Variants in BEND3 observed in about 807,000 individuals in gnomAD.
BEND3 encodes the protein BEN domain-containing protein 3.
Under a neutral mutation model 60.1 loss-of-function variants are expected in BEND3, and 13 were observed. The observed-to-expected ratio is 0.22, with a 90% CI of 0.14 to 0.34. BEND3 has a LOEUF of 0.34. Among genes scored for constraint, BEND3 ranks in the 10% least tolerant of loss-of-function variants. The pLI, the probability that BEND3 is intolerant of heterozygous loss-of-function variation, is 1.00. For synonymous variants in BEND3, 497 were observed against 491.5 expected, an observed-to-expected ratio of 1.01 and a Z score of -0.15; for missense variants, 896 against 1,138.1, an observed-to-expected ratio of 0.79 and a Z score of 3.06.
At chr6:107,104,645 C>T (rs1431959801) in intron 1 of BEND3, among the ~76,000 whole-genome samples, 4 of 150,698 alleles carry the variant, frequency 2.7e-5, no homozygotes, top group Non-Finnish European at 5.9e-5. Context: ...ATAGTTTTTT[C>T]GTGGTGTAAT....
intron 1 of BEND3, among the ~76,000 whole-genome samples, chr6:107,101,595 C>A (rs1775703372): frequency 1.3e-5 from 2 of 152,168 alleles, no homozygotes; most frequent in Non-Finnish European, 2.9e-5. Context: ...ACATTACACA[C>A]AGGGTGATAT....
At position 107,067,065 on chromosome 6, in the gene BEND3, A is replaced by G. The variant is rs1774848598; in HGVS notation, c.*1639T>C. 6.6e-6 allele frequency: 1 copy of G among 152,262 alleles called. No homozygotes were observed. Among genetic ancestry groups the G allele is most frequent in the African/African-American group, 2.4e-5 (1 of 41,474 alleles). 9.4% of individuals were successfully genotyped at this position (152,262 alleles called of 1,614,324 possible). On this transcript the variant is annotated 3_prime_UTR_variant, in exon 4 of 4. Transcript: ENST00000369042. ...ACACTTAGGAGCAAATTTACTAGTT[A>G]GATCAGCAACTTAACATTGCTTTTA...
chr6:107,069,859 G>A lies in BEND3; in HGVS notation c.1332C>T (p.Asp444=). ...TGCGGATGATCTGCAGCCGCTGCGG[G>A]TCCAGCTCCTGCTTTCCACCGTCCC... ...CYGDGGKQEL[D]PQRLQIIRNY... Residue 444 remains aspartate, a synonymous_variant, in exon 4 of 4, where the codon GAC becomes GAT. Coordinates refer to ENST00000369042, the MANE Select transcript of BEND3 (RefSeq NM_001367314.1). 1 of 1,613,802 alleles carries A rather than the reference G, an allele frequency of 6.2e-7. No homozygotes were observed. The highest frequency in any genetic ancestry group is 1.3e-5 in the African/African-American group (1 of 75,048).
intron 3 of BEND3, among the ~76,000 whole-genome samples, chr6:107,087,037 A>AG (rs1245458249): frequency 6.0e-5 from 9 of 150,542 alleles, no homozygotes; most frequent in East Asian, 3.9e-4. Context: ...AAAAAAAAAA[A>AG]AAAAGAAAAA....
intron 3 of BEND3, among the ~76,000 whole-genome samples, chr6:107,093,532 A>G (rs1775520809): frequency 6.6e-6 from 1 of 152,226 alleles, no homozygotes; most frequent in Non-Finnish European, 1.5e-5. Flanking sequence ...ATAAAGCTAC[A>G]GTAATCAAGA....
chr6:107,095,919 C>G (rs1022980450), intron 3 of BEND3, among the ~76,000 whole-genome samples: 1 of 152,014 alleles, frequency 6.6e-6, no homozygotes, highest in Non-Finnish European at 1.5e-5. Flanking sequence ...TAGAGCATAA[C>G]AGATTTTTAG....
chr6:107,083,946 T>C (rs1775285558), intron 3 of BEND3, among the ~76,000 whole-genome samples: 1 of 151,962 alleles, frequency 6.6e-6, no homozygotes, highest in Non-Finnish European at 1.5e-5. Flanking sequence ...ATCTCTACAA[T>C]GGAATATTAT....
intron 1 of BEND3, among the ~76,000 whole-genome samples, chr6:107,100,672 C>G (rs555554751): frequency 6.6e-6 from 1 of 152,254 alleles, no homozygotes; most frequent in East Asian, 1.9e-4. Context: ...AGGCAAAGCA[C>G]CACTAAAACA....
chr6:107,071,775 G>C (rs925103621), intron 3 of BEND3, among the ~76,000 whole-genome samples: 1 of 152,234 alleles, frequency 6.6e-6, no homozygotes, highest in Non-Finnish European at 1.5e-5. Flanking sequence ...AGAGGTCGTA[G>C]TGTATGATTC....
intron 3 of BEND3, among the ~76,000 whole-genome samples, chr6:107,077,479 G>GTC (rs1775124347): frequency 6.6e-6 from 1 of 152,150 alleles, no homozygotes; most frequent in African/African-American, 2.4e-5. Context: ...GCCAGACACA[G>GTC]TCTCTGCTCT....
chr6:107,098,842 G>A, intron 2 of BEND3, 89 bp from the exon 3 acceptor site: 5 of 1,115,998 alleles, frequency 4.5e-6, no homozygotes, highest in Middle Eastern at 2.7e-4. Flanking sequence ...GTGTCTGTGG[G>A]CCGCCCTTTG....
At chr6:107,111,348 T>C (rs1428970875) in intron 1 of BEND3, among the ~76,000 whole-genome samples, 1 of 151,996 alleles carries the variant, frequency 6.6e-6, no homozygotes, top group Non-Finnish European at 1.5e-5. Context: ...CCGTCTCTAC[T>C]AAAAATACAA....
intron 1 of BEND3, among the ~76,000 whole-genome samples, chr6:107,109,466 G>A (rs1775895140): frequency 2.0e-5 from 1 of 49,150 alleles, no homozygotes; most frequent in East Asian, 6.9e-4. Context: ...AAATCGAGGT[G>A]GGGCAGGCAT....
intron 3 of BEND3, among the ~76,000 whole-genome samples, chr6:107,083,647 AAC>A (rs1305858815): frequency 6.6e-6 from 1 of 152,144 alleles, no homozygotes; most frequent in East Asian, 1.9e-4. Flanking sequence ...AAAAAAAGAA[AAC>A]AATACTCATA....
intron 3 of BEND3, among the ~76,000 whole-genome samples, chr6:107,093,007 A>T (rs546071465): frequency 3.9e-5 from 6 of 152,342 alleles, no homozygotes; most frequent in Middle Eastern, 3.4e-3. Flanking sequence ...GAGACATTCC[A>T]TGCTCATAAA....
chr6:107,104,386 T>G (rs904796475), intron 1 of BEND3, among the ~76,000 whole-genome samples: 4 of 152,092 alleles, frequency 2.6e-5, no homozygotes, highest in Non-Finnish European at 5.9e-5. Flanking sequence ...GTGTTCATTT[T>G]AAGAGGGAAG....
At chr6:107,090,966 C>T (rs969119012) in intron 3 of BEND3, among the ~76,000 whole-genome samples, 5 of 151,680 alleles carry the variant, frequency 3.3e-5, no homozygotes, top group African/African-American at 9.7e-5. Flanking sequence ...AAAAATTAGC[C>T]GAGCATGGTC....
At chr6:107,108,512 T>G (rs1554237866) in intron 1 of BEND3, among the ~76,000 whole-genome samples, 1 of 152,194 alleles carries the variant, frequency 6.6e-6, no homozygotes, top group African/African-American at 2.4e-5. Context: ...GAGTTTCCGC[T>G]GCACTTCCCA....
At chr6:107,103,460 C>G (rs1436625254) in intron 1 of BEND3, among the ~76,000 whole-genome samples, 1 of 152,196 alleles carries the variant, frequency 6.6e-6, no homozygotes, top group Non-Finnish European at 1.5e-5. Flanking sequence ...GTGAGCATTC[C>G]CTTTGCCTCC....
Sources: allele counts gnomAD v4.1 joint callset (sites outside exome capture counted in the v4.1 genomes callset), GRCh38; gene constraint gnomAD v4.1.1; transcripts MANE v1.5; gene names NCBI Gene and HGNC (gene_info 2026-07-23, HGNC 2026-07-21).